Variants in DNAJC6 observed in about 807,000 individuals in gnomAD.
DNAJC6 encodes auxilin.
A neutral mutation model predicts 110.0 loss-of-function variants in DNAJC6; 34 were observed. That is an observed-to-expected ratio of 0.31 (90% CI 0.24 to 0.41). DNAJC6 has a LOEUF of 0.41. Ranked by LOEUF, DNAJC6 falls within the 10% of genes least tolerant of loss-of-function variation. DNAJC6 has a pLI of 1.00. For missense variants in DNAJC6, 1,031 were observed against 1,207.8 expected (o/e 0.85, Z 2.17); for synonymous variants, 406 against 437.2 (o/e 0.93, Z 0.89).
chr1:65,293,684 C>T (rs1644901880), intron 1 of DNAJC6, among the ~76,000 whole-genome samples: 1 of 152,086 alleles, frequency 6.6e-6, no homozygotes, highest in Non-Finnish European at 1.5e-5. Context: ...TTTTTCATAA[C>T]ATACAAAAAT....
intron 1 of DNAJC6, among the ~76,000 whole-genome samples, chr1:65,273,485 G>C (rs1570197757): frequency 6.6e-6 from 1 of 152,088 alleles, no homozygotes; most frequent in African/African-American, 2.4e-5. Flanking sequence ...TGTGATCCCA[G>C]CTACTCGGGA....
chr1:65,318,911 A>G (rs1213544786), intron 1 of DNAJC6, among the ~76,000 whole-genome samples: 1 of 152,200 alleles, frequency 6.6e-6, no homozygotes, highest in African/African-American at 2.4e-5. Flanking sequence ...GGCCCCAAGC[A>G]TGTTTGATTT....
chr1:65,329,982 G>A (rs765465675), intron 1 of DNAJC6, among the ~76,000 whole-genome samples: 95 of 152,160 alleles, frequency 6.2e-4, no homozygotes, highest in Non-Finnish European at 6.8e-4. Context: ...TACCTAAAAG[G>A]GATTTTTCTG....
chr1:65,327,210 G>T (rs1250695287), intron 1 of DNAJC6, among the ~76,000 whole-genome samples: 2 of 152,310 alleles, frequency 1.3e-5, no homozygotes, highest in South Asian at 2.1e-4. Flanking sequence ...TTGCATGTTT[G>T]AGTAACAGTG....
Position 65,365,874 on chromosome 1 carries a change from C to G in DNAJC6, c.345-11C>G. The G allele has an allele frequency of 6.2e-7, 1 of 1,609,286 alleles. No homozygotes were observed. The highest frequency in any genetic ancestry group is 8.5e-7 in the Non-Finnish European group (1 of 1,178,448). On this transcript the variant is annotated splice_polypyrimidine_tract_variant and intron_variant, in intron 2 of 18. Coordinates refer to ENST00000371069, the MANE Select transcript of DNAJC6 (RefSeq NM_001256864.2). The stretch of plus-strand genomic sequence containing the variant: ...CATTTTAATGAGTGCCCATTTTTGT[C>G]TTGCTTTTAGCTACACAAAGGGAGA...
At chr1:65,284,426 G>T (rs74083007) in intron 1 of DNAJC6, among the ~76,000 whole-genome samples, 1 of 152,134 alleles carries the variant, frequency 6.6e-6, no homozygotes, top group Non-Finnish European at 1.5e-5. Context: ...ACTTCCCTTC[G>T]TCTGTTCTCC....
In DNAJC6 at chr1:65,386,842, C is replaced by A. The variant is rs1317548585; in HGVS notation, c.1026C>A (p.Phe342Leu). The change falls in exon 8 of 19, where the codon TTC becomes TTA. Residue 342 changes from phenylalanine (F) to leucine (L), a missense_variant. Transcript: ENST00000371069. ...KEYRVQDGKI[F>L]IPLNITVQGD... ...ATCGTGTCCAAGATGGAAAAATCTT[C>A]ATTCCCTTGAACATCACTGTGCAAG... The A allele has an allele frequency of 1.9e-6, 3 of 1,614,014 alleles. No individual in the cohort carries two copies. The highest frequency in any genetic ancestry group is 2.5e-6 in the Non-Finnish European group (3 of 1,180,002).
chr1:65,315,150 A>G (rs1480358040), intron 1 of DNAJC6, among the ~76,000 whole-genome samples: 1 of 152,190 alleles, frequency 6.6e-6, no homozygotes, highest in African/African-American at 2.4e-5. Flanking sequence ...TAGACAACAG[A>G]TTTTTGAGAA....
At position 65,414,950 on chromosome 1, in the gene DNAJC6, T is replaced by A. The variant is rs1186296130; in HGVS notation, c.*1925T>A. 4.6e-5 allele frequency: 7 copies of A among 152,600 alleles called. No individual in the cohort carries two copies. Among genetic ancestry groups the A allele is most frequent in the Non-Finnish European group, 1.0e-4 (7 of 68,036 alleles). 9.5% of individuals were successfully genotyped at this position (152,600 alleles called of 1,614,324 possible). ...TAGCTTTGTATCATGTTTGGATAAT[T>A]CATCAATGTTCACAGTTTAAAACAT... On this transcript the variant is annotated 3_prime_UTR_variant, in exon 19 of 19. Transcript: ENST00000371069.
At chr1:65,396,650 A>G (rs1400595342) in intron 13 of DNAJC6, among the ~76,000 whole-genome samples, 1 of 151,944 alleles carries the variant, frequency 6.6e-6, no homozygotes, top group Non-Finnish European at 1.5e-5. Context: ...CCTACTCTAC[A>G]TTCCCCTTTC....
intron 1 of DNAJC6, among the ~76,000 whole-genome samples, chr1:65,354,851 A>G (rs777744217): frequency 1.2e-4 from 18 of 152,162 alleles, no homozygotes; most frequent in Non-Finnish European, 2.2e-4. Flanking sequence ...TTATCACTCT[A>G]ATTTCCAATT....
At chr1:65,286,687 T>C (rs1353387852) in intron 1 of DNAJC6, among the ~76,000 whole-genome samples, 1 of 152,220 alleles carries the variant, frequency 6.6e-6, no homozygotes, top group Non-Finnish European at 1.5e-5. Flanking sequence ...GTGATGAATG[T>C]AAATTTAAAA....
intron 1 of DNAJC6, among the ~76,000 whole-genome samples, chr1:65,335,168 C>T (rs1300118567): frequency 2.6e-5 from 4 of 151,116 alleles, no homozygotes; most frequent in South Asian, 4.2e-4. Flanking sequence ...AGTGCAGTGG[C>T]ACGATCTTGG....
chr1:65,300,397 T>C (rs1200636425), intron 1 of DNAJC6, among the ~76,000 whole-genome samples: 1 of 152,202 alleles, frequency 6.6e-6, no homozygotes, highest in Admixed American at 6.5e-5. Flanking sequence ...TAAGGATCCA[T>C]ACCAGAAATT....
chr1:65,273,438 A>AAATTAC (rs1391088847), intron 1 of DNAJC6, among the ~76,000 whole-genome samples: 3 of 152,160 alleles, frequency 2.0e-5, no homozygotes, highest in African/African-American at 7.2e-5. Flanking sequence ...CTCTACTAAA[A>AAATTAC]AATTACAAGT....
intron 9 of DNAJC6, among the ~76,000 whole-genome samples, 188 bp from the exon 10 acceptor site, chr1:65,389,065 TCTC>T (rs1645899041): frequency 6.6e-6 from 1 of 152,172 alleles, no homozygotes; most frequent in South Asian, 2.1e-4. Flanking sequence ...CAGGCATTAT[TCTC>T]CTCTTTTCTC....
intron 1 of DNAJC6, among the ~76,000 whole-genome samples, chr1:65,329,635 T>C (rs1298199149): frequency 1.3e-5 from 2 of 152,134 alleles, no homozygotes; most frequent in African/African-American, 4.8e-5. Context: ...TAGATTCAAA[T>C]CCAAAACTGT....
At chr1:65,367,872 C>A (rs1645664057) in intron 4 of DNAJC6, among the ~76,000 whole-genome samples, 1 of 93,216 alleles carries the variant, frequency 1.1e-5, no homozygotes, top group South Asian at 4.0e-4. Flanking sequence ...GAGGAGGGAG[C>A]ATTTTTTTTT....
chr1:65,276,216 C>T (rs1304326785), intron 1 of DNAJC6, among the ~76,000 whole-genome samples: 1 of 152,156 alleles, frequency 6.6e-6, no homozygotes, highest in Non-Finnish European at 1.5e-5. Flanking sequence ...GATTCTTCAC[C>T]TTGTCATCTG....
Sources: allele counts gnomAD v4.1 joint callset (sites outside exome capture counted in the v4.1 genomes callset), GRCh38; gene constraint gnomAD v4.1.1; transcripts MANE v1.5; gene names NCBI Gene and HGNC (gene_info 2026-07-23, HGNC 2026-07-21).